Variants in AMPH observed in about 807,000 individuals in gnomAD.
AMPH encodes the protein amphiphysin.
Under a neutral mutation model 99.1 loss-of-function variants are expected in AMPH, and 49 were observed. The observed-to-expected ratio is 0.49, with a 90% CI of 0.39 to 0.63. The LOEUF is 0.63. AMPH is among the 20% of genes least tolerant of loss of function. The pLI is 0.00. For synonymous variants in AMPH, 314 were observed against 317.3 expected (o/e 0.99, Z 0.11); for missense variants, 759 against 863.4 (o/e 0.88, Z 1.52).
intron 17 of AMPH, among the ~76,000 whole-genome samples, chr7:38,410,375 C>A (rs1785179096): frequency 6.6e-6 from 1 of 152,136 alleles, no homozygotes; most frequent in African/African-American, 2.4e-5. Flanking sequence ...ACCCAGATGG[C>A]AGTGTGGGGC....
rs1259207736 is a variant in AMPH at position 38,560,623 on chromosome 7, A to G, written c.70-25612T>C. On this transcript the variant is annotated intron_variant, in intron 1 of 20. Transcript: ENST00000356264. ...TCCAGACAGCACTGCTAGATGGGTT[A>G]TGTCTGTTCAAGAAGAGAACTTGTT... Among the ~76,000 whole-genome samples the G allele has an allele frequency of 2.0e-5, 3 of 152,240 alleles. No individual in the cohort carries two copies. In the South Asian group the frequency reaches 6.2e-4, roughly 31 times the overall value.
chr7:38,399,734 G>C (rs933160461), intron 17 of AMPH, among the ~76,000 whole-genome samples: 1 of 152,206 alleles, frequency 6.6e-6, no homozygotes, highest in Non-Finnish European at 1.5e-5. Flanking sequence ...GACTGAATCT[G>C]CTGAAAGTAC....
chr7:38,525,764 G>A (rs563803646), intron 2 of AMPH, among the ~76,000 whole-genome samples: 1 of 152,206 alleles, frequency 6.6e-6, no homozygotes, highest in Admixed American at 6.5e-5. Context: ...GCAGGCTTTG[G>A]TGTGTGGCCG....
At chr7:38,565,060 T>G (rs1273136829) in intron 1 of AMPH, among the ~76,000 whole-genome samples, 3 of 150,226 alleles carry the variant, frequency 2.0e-5, no homozygotes, top group Non-Finnish European at 3.0e-5. Flanking sequence ...GGAGGCAGAG[T>G]TTGCAGTGAG....
rs573152804 is a variant in AMPH at position 38,474,526 on chromosome 7, G to T, written c.590+805C>A. Among the ~76,000 whole-genome samples, 4 of 152,294 alleles carry T rather than the reference G, an allele frequency of 2.6e-5. No homozygotes were observed. In the East Asian group the frequency reaches 7.7e-4, roughly 29 times the overall value. On this transcript the variant is annotated intron_variant, in intron 7 of 20. Coordinates refer to ENST00000356264, the MANE Select transcript of AMPH (RefSeq NM_001635.4). ...GACCCTCAAAATGCTTACAATTTTG[G>T]TGGGTAAATAGAAGCTCTAGAATTT...
At chr7:38,572,028 C>T (rs1015105647) in intron 1 of AMPH, among the ~76,000 whole-genome samples, 2 of 152,078 alleles carry the variant, frequency 1.3e-5, no homozygotes, top group African/African-American at 4.8e-5. Flanking sequence ...GCCTCAGCCT[C>T]CCAAGTAGCT....
intron 1 of AMPH, among the ~76,000 whole-genome samples, chr7:38,560,642 A>T (rs1002009365): frequency 1.3e-5 from 2 of 152,212 alleles, no homozygotes; most frequent in Non-Finnish European, 2.9e-5. Context: ...CAAGAAGAGA[A>T]CTTGTTCTAA....
intron 1 of AMPH, among the ~76,000 whole-genome samples, chr7:38,606,504 C>G (rs1054836897): frequency 1.3e-5 from 2 of 151,424 alleles, no homozygotes; most frequent in African/African-American, 4.9e-5. Context: ...GGTGACCACT[C>G]CTTTCACTTA....
chr7:38,424,402 T>C (rs991880002), intron 15 of AMPH, among the ~76,000 whole-genome samples: 7 of 152,150 alleles, frequency 4.6e-5, no homozygotes, highest in Admixed American at 3.3e-4. Context: ...CCTTCAGAGA[T>C]ATAATGGAAG....
In AMPH at chr7:38,474,994, T is replaced by C. The variant is rs1006162755; in HGVS notation, c.590+337A>G. Among the ~76,000 whole-genome samples the C allele has an allele frequency of 4.6e-5, 7 of 152,208 alleles. No homozygotes were observed. The South Asian group carries it at 1.2e-3, about 27-fold the overall frequency. On this transcript the variant is annotated intron_variant, in intron 7 of 20. Coordinates refer to ENST00000356264, the MANE Select transcript of AMPH (RefSeq NM_001635.4). ...AGGGCAGTCCTCCTAATGCCTCTAA[T>C]TGAGATTTAGGTCTCCACTTGAGAA...
intron 17 of AMPH, among the ~76,000 whole-genome samples, chr7:38,401,584 G>T (rs1391711512): frequency 6.6e-6 from 1 of 152,122 alleles, no homozygotes; most frequent in Non-Finnish European, 1.5e-5. Flanking sequence ...TTACTGTATT[G>T]TGTTTCTTTG....
chr7:38,540,715 A>AAAAAAAAAAAAAAC (rs1790776715), intron 1 of AMPH, among the ~76,000 whole-genome samples: 1 of 146,082 alleles, frequency 6.8e-6, no homozygotes, highest in Non-Finnish European at 1.5e-5. Context: ...AAAAAAAAAA[A>AAAAAAAAAAAAAAC]AAAAAGCTAG....
intron 2 of AMPH, among the ~76,000 whole-genome samples, chr7:38,528,993 GC>G (rs1452570303): frequency 6.6e-6 from 1 of 151,986 alleles, no homozygotes; most frequent in Admixed American, 6.5e-5. Flanking sequence ...GAGTTCTAAT[GC>G]CTTCTATAAT....
At chr7:38,591,933 C>T (rs569563439) in intron 1 of AMPH, among the ~76,000 whole-genome samples, 3 of 152,210 alleles carry the variant, frequency 2.0e-5, no homozygotes, top group Non-Finnish European at 4.4e-5. Flanking sequence ...GACACACACA[C>T]AGAAATATAG....
intron 17 of AMPH, among the ~76,000 whole-genome samples, chr7:38,408,035 A>G (rs1785102403): frequency 1.3e-5 from 2 of 152,214 alleles, no homozygotes; most frequent in South Asian, 4.1e-4. Flanking sequence ...CCTATTAAAT[A>G]TTCCCCCATT....
In AMPH at chr7:38,571,479, AAT is replaced by A. The variant is rs541724243; in HGVS notation, c.70-36470_70-36469del. 1.0e-3 allele frequency among the ~76,000 whole-genome samples: 138 copies of A among 133,668 alleles called. 1 individual carries two copies. In the South Asian group the frequency reaches 0.013, roughly 13 times the overall value. 87.7% of individuals were successfully genotyped at this position (133,668 alleles called of 152,430 possible). ...AGAATATATGGAATATATTCTATAA[AAT>A]ATATATTCTATATAAATATATTCTA... On this transcript the variant is annotated intron_variant, in intron 1 of 20. Coordinates refer to ENST00000356264, the MANE Select transcript of AMPH (RefSeq NM_001635.4).
chr7:38,550,361 C>A (rs1791137670), intron 1 of AMPH, among the ~76,000 whole-genome samples: 1 of 152,166 alleles, frequency 6.6e-6, no homozygotes, highest in South Asian at 2.1e-4. Context: ...TTCTAAATTA[C>A]AAACTCAATG....
At chr7:38,607,321 C>A (rs1793468483) in intron 1 of AMPH, among the ~76,000 whole-genome samples, 1 of 152,186 alleles carries the variant, frequency 6.6e-6, no homozygotes, top group South Asian at 2.1e-4. Flanking sequence ...TTCAAATCAC[C>A]TCATTTTCTT....
In AMPH at chr7:38,534,839, CT is replaced by C. The variant is rs1562812692; in HGVS notation, c.150+91del. 3.6e-6 allele frequency: 4 copies of C among 1,124,066 alleles called. No individual in the cohort carries two copies. The South Asian group carries it at 4.1e-5, about 12-fold the overall frequency. The allele number at this position is 1,124,066 out of a possible 1,614,324, so 69.6% of individuals were successfully genotyped here. Reference sequence around the variant, plus strand: ...CAAGTTAGTGCCAACTCCATCTAGTCTTTTTTTAATCTTAATGCATTTTACT... The same window carrying C: ...CAAGTTAGTGCCAACTCCATCTAGTCTTTTTTAATCTTAATGCATTTTACT... On this transcript the variant is annotated intron_variant, in intron 2 of 20. Coordinates refer to ENST00000356264, the MANE Select transcript of AMPH (RefSeq NM_001635.4).
Sources: allele counts gnomAD v4.1 joint callset (sites outside exome capture counted in the v4.1 genomes callset), GRCh38; gene constraint gnomAD v4.1.1; transcripts MANE v1.5; gene names NCBI Gene and HGNC (gene_info 2026-07-23, HGNC 2026-07-21).